STXBP4: variants seen among roughly 807,000 people sequenced by gnomAD.
STXBP4 encodes syntaxin binding protein 4.
STXBP4 carries 55 observed loss-of-function variants against 76.1 expected under a neutral mutation model. The observed-to-expected ratio is 0.72, with a 90% CI of 0.58 to 0.91. STXBP4 has a LOEUF of 0.91. Among genes scored for constraint, STXBP4 ranks in the 40% least tolerant of loss-of-function variants. The pLI is 0.00. For missense variants in STXBP4, 618 were observed against 636.9 expected, an observed-to-expected ratio of 0.97 and a Z score of 0.32; for synonymous variants, 201 against 220.2, an observed-to-expected ratio of 0.91 and a Z score of 0.77.
chr17:55,084,374 G>A (rs2079296329), intron 16 of STXBP4, among the ~76,000 whole-genome samples: 1 of 152,126 alleles, frequency 6.6e-6, no homozygotes, highest in African/African-American at 2.4e-5. Context: ...GTAGATTCTG[G>A]ATATTAGCCC....
the STXBP4 span, among the ~76,000 whole-genome samples, chr17:55,196,004 A>G: frequency 3.3e-5 from 5 of 152,282 alleles, no homozygotes; most frequent in East Asian, 9.7e-4. Context: ...AAATCCTGCC[A>G]TATCCCTACT....
intron 1 of STXBP4, among the ~76,000 whole-genome samples, chr17:54,970,837 A>T (rs952481573): frequency 2.6e-5 from 4 of 152,194 alleles, no homozygotes; most frequent in South Asian, 2.1e-4. Context: ...TGAAACTCTT[A>T]TGTACAGTGA....
At chr17:55,072,529 C>G (rs111809510) in intron 12 of STXBP4, among the ~76,000 whole-genome samples, 2 of 152,296 alleles carry the variant, frequency 1.3e-5, no homozygotes, top group Admixed American at 6.5e-5. Context: ...CCTACAAGAG[C>G]CTTTTTAGAA....
At chr17:55,101,785 C>G (rs572301629) in intron 16 of STXBP4, among the ~76,000 whole-genome samples, 1 of 152,142 alleles carries the variant, frequency 6.6e-6, no homozygotes, top group South Asian at 2.1e-4. Context: ...AATGTGAATT[C>G]TGATTACTTC....
the STXBP4 span, among the ~76,000 whole-genome samples, chr17:55,180,728 A>G: frequency 6.6e-6 from 1 of 152,194 alleles, no homozygotes; most frequent in Non-Finnish European, 1.5e-5. Context: ...CCAGTGTGGG[A>G]ACAATAATGT....
intron 16 of STXBP4, among the ~76,000 whole-genome samples, 165 bp from the exon 17 acceptor site, chr17:55,141,145 G>A (rs2080090394): frequency 6.6e-6 from 1 of 152,184 alleles, no homozygotes; most frequent in Admixed American, 6.5e-5. Context: ...TAAAGATGCT[G>A]AGTATGAAAG....
rs1356442137 is a variant in STXBP4, at chr17:54,999,805, C to T, written c.461C>T (p.Thr154Ile). Residue 154 changes from threonine to isoleucine, a missense_variant, in exon 6 of 18, where the codon ACT becomes ATT. Thr to Ile is a moderately conservative substitution (Grantham distance 89). Transcript: ENST00000376352. ...ATACTAATCCCAAAGACCTCATCCACTCCCAAAACAAATAATGACATTTTA... is the reference window on the plus strand; with the variant it reads ...ATACTAATCCCAAAGACCTCATCCATTCCCAAAACAAATAATGACATTTTA... ...PEILIPKTSS[T>I]PKTNNDILSS... The T allele has an allele frequency of 6.2e-7, 1 of 1,613,148 alleles. No individual in the cohort carries two copies. Among genetic ancestry groups the T allele is most frequent in the Admixed American group, 1.7e-5 (1 of 59,950 alleles).
rs377495228 is a variant in STXBP4 at position 55,114,201 on chromosome 17, G to T, written c.1490-27109G>T. Among the ~76,000 whole-genome samples the T allele has an allele frequency of 1.4e-3, 213 of 151,612 alleles. 1 individual carries two copies. The highest frequency in any genetic ancestry group is 4.9e-3 in the African/African-American group (204 of 41,326). On this transcript the variant is annotated intron_variant, in intron 16 of 17. Coordinates refer to ENST00000376352, the MANE Select transcript of STXBP4 (RefSeq NM_178509.6). ...GTAGTTCTGTCATTTTTATTTATTT[G>T]CAAATATTGTTTACAAATATAATCT... is the stretch of plus-strand genomic sequence containing the variant.
the STXBP4 span, among the ~76,000 whole-genome samples, chr17:55,183,717 T>C: frequency 6.6e-6 from 1 of 152,020 alleles, no homozygotes; most frequent in Non-Finnish European, 1.5e-5. Context: ...AAAGAAAAAC[T>C]GAAAGAAAGG....
At chr17:55,002,334 CTATGT>C (rs1158655733) in intron 7 of STXBP4, among the ~76,000 whole-genome samples, 1 of 152,100 alleles carries the variant, frequency 6.6e-6, no homozygotes. Context: ...TAAGGTTTTA[CTATGT>C]TATATGTGTA....
chr17:55,049,451 G>A (rs1033497345), intron 12 of STXBP4, among the ~76,000 whole-genome samples: 6 of 151,878 alleles, frequency 4.0e-5, no homozygotes, highest in Non-Finnish European at 8.8e-5. Context: ...AAAGAAAAAA[G>A]AGGAAAACAG....
the STXBP4 span, among the ~76,000 whole-genome samples, chr17:55,198,945 G>A: frequency 6.6e-6 from 1 of 152,188 alleles, no homozygotes; most frequent in Admixed American, 6.5e-5. Flanking sequence ...ACTCTTTGGA[G>A]TACTATAAAG....
the STXBP4 span, among the ~76,000 whole-genome samples, chr17:55,180,725 G>A: frequency 2.0e-5 from 3 of 152,148 alleles, no homozygotes. Flanking sequence ...TTACCAGTGT[G>A]GGAACAATAA....
At chr17:54,988,241 T>C (rs1406571891) in intron 3 of STXBP4, among the ~76,000 whole-genome samples, 1 of 152,140 alleles carries the variant, frequency 6.6e-6, no homozygotes, top group African/African-American at 2.4e-5. Context: ...AGAAAACGTA[T>C]TAGCAGCAAT....
intron 16 of STXBP4, among the ~76,000 whole-genome samples, chr17:55,124,033 G>A (rs1487787748): frequency 6.6e-6 from 1 of 152,040 alleles, no homozygotes; most frequent in Non-Finnish European, 1.5e-5. Context: ...ATAAATCTAG[G>A]CTATGCTGGA....
At chr17:54,997,940 T>A (rs2077843317) in intron 4 of STXBP4, among the ~76,000 whole-genome samples, 1 of 151,942 alleles carries the variant, frequency 6.6e-6, no homozygotes, top group Admixed American at 6.6e-5. Flanking sequence ...TTTTAAATAA[T>A]GTTTACATTT....
At chr17:55,187,590 G>A in the STXBP4 span, among the ~76,000 whole-genome samples, 2 of 152,140 alleles carry the variant, frequency 1.3e-5, no homozygotes, top group Non-Finnish European at 2.9e-5. Context: ...TCTCCAAATG[G>A]ATTCAGGAAA....
chr17:55,030,506 G>T (rs1205204220), intron 8 of STXBP4, among the ~76,000 whole-genome samples: 1 of 152,204 alleles, frequency 6.6e-6, no homozygotes, highest in Non-Finnish European at 1.5e-5. Flanking sequence ...TCTTTTAGCT[G>T]CATGGCAGTG....
At chr17:55,094,203 A>G (rs906907486) in intron 16 of STXBP4, among the ~76,000 whole-genome samples, 1 of 150,004 alleles carries the variant, frequency 6.7e-6, no homozygotes, top group Admixed American at 6.7e-5. Flanking sequence ...TCTAATACGT[A>G]TGAGCAAGCA....
Sources: allele counts gnomAD v4.1 joint callset (sites outside exome capture counted in the v4.1 genomes callset), GRCh38; gene constraint gnomAD v4.1.1; transcripts MANE v1.5; gene names NCBI Gene and HGNC (gene_info 2026-07-23, HGNC 2026-07-21).